The following GRM7 variants were observed in gnomAD, a reference collection of about 807,000 sequenced individuals.
The protein encoded by GRM7 is glutamate metabotropic receptor 7, also known as metabotropic glutamate receptor 7.
GRM7 carries 35 observed loss-of-function variants against 84.5 expected under a neutral mutation model. The observed-to-expected ratio is 0.41, with a 90% CI of 0.32 to 0.55. The LOEUF is 0.55. GRM7 is among the 20% of genes least tolerant of loss of function. GRM7 has a pLI of 0.19. For synonymous variants in GRM7, 487 were observed against 455.1 expected, an observed-to-expected ratio of 1.07 and a Z score of -0.89; for missense variants, 1,003 against 1,194.6, an observed-to-expected ratio of 0.84 and a Z score of 2.36.
intron 1 of GRM7, among the ~76,000 whole-genome samples, chr3:6,881,190 A>T (rs574001849): frequency 6.6e-6 from 1 of 152,068 alleles, no homozygotes; most frequent in African/African-American, 2.4e-5. Context: ...GGTTTGTTAC[A>T]TGGGTAAATG....
intron 8 of GRM7, among the ~76,000 whole-genome samples, chr3:7,631,906 G>A (rs1031797994): frequency 6.6e-6 from 1 of 152,148 alleles, no homozygotes; most frequent in Non-Finnish European, 1.5e-5. Flanking sequence ...GTATCACTAG[G>A]GAAACAAGAA....
chr3:6,873,653 G>A (rs150559324), intron 1 of GRM7, among the ~76,000 whole-genome samples: 18 of 152,268 alleles, frequency 1.2e-4, no homozygotes, highest in Middle Eastern at 3.4e-3. Context: ...TAGTATTAGC[G>A]TCAGTATTTT....
chr3:7,344,347 T>C (rs997121613), intron 4 of GRM7, among the ~76,000 whole-genome samples: 2 of 152,192 alleles, frequency 1.3e-5, no homozygotes, highest in African/African-American at 4.8e-5. Flanking sequence ...ATGCAGCATT[T>C]GGTTTTCTAT....
At chr3:7,629,635 T>A (rs1278704027) in intron 8 of GRM7, among the ~76,000 whole-genome samples, 1 of 152,174 alleles carries the variant, frequency 6.6e-6, no homozygotes, top group Non-Finnish European at 1.5e-5. Flanking sequence ...GACAACTTCA[T>A]CCATAGCAAT....
chr3:7,597,618 A>G (rs1428362182), intron 8 of GRM7, among the ~76,000 whole-genome samples: 1 of 152,034 alleles, frequency 6.6e-6, no homozygotes, highest in Non-Finnish European at 1.5e-5. Flanking sequence ...TGAGGTTTCC[A>G]TCTATTAGAT....
At chr3:7,055,237 T>C (rs1488187329) in intron 1 of GRM7, among the ~76,000 whole-genome samples, 1 of 151,710 alleles carries the variant, frequency 6.6e-6, no homozygotes, top group East Asian at 1.9e-4. Context: ...TATTTTAAAG[T>C]TGGAGAGGGT....
At chr3:7,581,941 G>A in intron 8 of GRM7, among the ~76,000 whole-genome samples, 1 of 151,838 alleles carries the variant, frequency 6.6e-6, no homozygotes, top group East Asian at 1.9e-4. Context: ...CTGCTATCTT[G>A]TTTTATCATT....
intron 2 of GRM7, among the ~76,000 whole-genome samples, chr3:7,162,589 A>T (rs569907218): frequency 6.6e-6 from 1 of 152,068 alleles, no homozygotes; most frequent in Admixed American, 6.6e-5. Flanking sequence ...AATTGGTAAT[A>T]GTGAATAGAC....
rs570607062 is a variant in GRM7 at position 7,580,655 on chromosome 3, A to G, written c.2451+1298A>G. On this transcript the variant is annotated intron_variant, in intron 8 of 9. Transcript: ENST00000357716. ...AAAAGTAAATATTTCATGAAACCAC[A>G]CAGAATTCTAAAACCAAGGAGAATG... 3.3e-5 allele frequency among the ~76,000 whole-genome samples: 5 copies of G among 152,338 alleles called. No homozygotes were observed. The East Asian group carries it at 9.6e-4, about 29-fold the overall frequency.
intron 4 of GRM7, among the ~76,000 whole-genome samples, chr3:7,320,719 T>TGTGTGTGC (rs910693056): frequency 1.3e-4 from 19 of 151,350 alleles, no homozygotes; most frequent in Non-Finnish European, 1.6e-4. Context: ...TGTGTGTGTG[T>TGTGTGTGC]GCAACTTCTT....
At chr3:6,981,655 G>A (rs1367825815) in intron 1 of GRM7, among the ~76,000 whole-genome samples, 1 of 152,108 alleles carries the variant, frequency 6.6e-6, no homozygotes, top group Non-Finnish European at 1.5e-5. Flanking sequence ...TTTTCCAGCT[G>A]GAGGGAGAGA....
chr3:7,608,830 G>A (rs540043391), intron 8 of GRM7, among the ~76,000 whole-genome samples: 75 of 152,212 alleles, frequency 4.9e-4, no homozygotes, highest in Non-Finnish European at 8.7e-4. Flanking sequence ...TTGTCTTCCA[G>A]GGTTTTTATA....
chr3:7,385,922 G>C (rs1050810737), intron 4 of GRM7, among the ~76,000 whole-genome samples: 2 of 152,214 alleles, frequency 1.3e-5, no homozygotes, highest in South Asian at 4.1e-4. Flanking sequence ...TGCATTCATA[G>C]GAATGATGCT....
intron 7 of GRM7, among the ~76,000 whole-genome samples, chr3:7,565,947 A>G (rs1357432294): frequency 6.6e-6 from 1 of 152,208 alleles, no homozygotes; most frequent in Non-Finnish European, 1.5e-5. Flanking sequence ...AATTTCCTGC[A>G]TGACATAAAC....
intron 9 of GRM7, among the ~76,000 whole-genome samples, chr3:7,697,803 G>A (rs1701075555): frequency 6.6e-6 from 1 of 152,118 alleles, no homozygotes; most frequent in South Asian, 2.1e-4. Context: ...GTCTGAGGGA[G>A]GAGACAGCAT....
At chr3:7,661,537 G>C (rs1208965377) in intron 8 of GRM7, among the ~76,000 whole-genome samples, 1 of 152,114 alleles carries the variant, frequency 6.6e-6, no homozygotes, top group Non-Finnish European at 1.5e-5. Context: ...GCTCACGCCT[G>C]TAATCCCAGC....
Position 7,121,618 on chromosome 3 carries a change from A to T in GRM7, c.520-24834A>T, listed in dbSNP as rs187824348. Among the ~76,000 whole-genome samples the T allele has an allele frequency of 2.0e-5, 3 of 152,254 alleles. No individual in the cohort carries two copies. In the East Asian group the frequency reaches 5.8e-4, roughly 29 times the overall value. ...TTCTTTTCTATCTCCCTCTTGGTCT[A>T]ATTGAAAGATTAACTCATTCTCAAA... On this transcript the variant is annotated intron_variant, in intron 1 of 9. Coordinates refer to ENST00000357716, the MANE Select transcript of GRM7 (RefSeq NM_000844.4).
intron 5 of GRM7, among the ~76,000 whole-genome samples, chr3:7,420,608 C>T (rs1183560785): frequency 6.6e-6 from 1 of 152,134 alleles, no homozygotes; most frequent in Admixed American, 6.6e-5. Flanking sequence ...TCTGACTCAT[C>T]TCTAAATATC....
chr3:6,873,142 G>T (rs1695185298), intron 1 of GRM7, among the ~76,000 whole-genome samples: 1 of 152,110 alleles, frequency 6.6e-6, no homozygotes, highest in Non-Finnish European at 1.5e-5. Flanking sequence ...CGCGATCTCG[G>T]CTCACTGCAA....
Sources: gnomAD v4.1 joint callset for allele counts (sites outside exome capture counted in the v4.1 genomes callset) on GRCh38, gnomAD v4.1.1 for gene constraint, MANE v1.5 for transcripts, NCBI Gene and HGNC (gene_info 2026-07-23, HGNC 2026-07-21) for gene names.